Variants in MOXD1 observed in about 807,000 individuals in gnomAD.
MOXD1 encodes monooxygenase DBH like 1.
Under a neutral mutation model 66.6 loss-of-function variants are expected in MOXD1, and 62 were observed. That is an observed-to-expected ratio of 0.93 (90% confidence interval 0.76 to 1.15). The LOEUF (loss-of-function observed/expected upper bound fraction) is 1.15, where lower values mean the gene tolerates loss of function less well. Ranked by LOEUF, MOXD1 falls within the 50% of genes most tolerant of loss-of-function variation. The pLI is 0.00. For missense variants in MOXD1, 847 were observed against 754.6 expected (o/e 1.12, Z -1.44); for synonymous variants, 303 against 281.9 (o/e 1.07, Z -0.75).
intron 1 of MOXD1, among the ~76,000 whole-genome samples, chr6:132,377,854 G>A (rs914386286): frequency 1.3e-5 from 2 of 152,144 alleles, no homozygotes; most frequent in South Asian, 2.1e-4. Context: ...CAGGCTGGGC[G>A]CAGTGGCTCA....
intron 4 of MOXD1, among the ~76,000 whole-genome samples, chr6:132,335,813 G>C (rs1775424582): frequency 6.6e-6 from 1 of 152,194 alleles, no homozygotes; most frequent in Non-Finnish European, 1.5e-5. Context: ...GATTGTCCCT[G>C]TCATTGTTTG....
intron 4 of MOXD1, among the ~76,000 whole-genome samples, chr6:132,354,227 C>T (rs1441065067): frequency 6.6e-6 from 1 of 152,064 alleles, no homozygotes; most frequent in Non-Finnish European, 1.5e-5. Flanking sequence ...GTTAAAGAGC[C>T]TTGTTTTGTC....
At chr6:132,381,980 C>A (rs568522295) in intron 1 of MOXD1, among the ~76,000 whole-genome samples, 2 of 152,198 alleles carry the variant, frequency 1.3e-5, no homozygotes, top group African/African-American at 4.8e-5. Flanking sequence ...ATTATGCACT[C>A]ATGGTAAAGG....
intron 10 of MOXD1, among the ~76,000 whole-genome samples, chr6:132,310,159 A>G (rs1174888468): frequency 6.6e-6 from 1 of 152,238 alleles, no homozygotes; most frequent in Non-Finnish European, 1.5e-5. Flanking sequence ...TTTACAAGAA[A>G]AAAACAATCC....
chr6:132,383,994 C>G (rs568406031), intron 1 of MOXD1, among the ~76,000 whole-genome samples: 1 of 151,992 alleles, frequency 6.6e-6, no homozygotes, highest in Non-Finnish European at 1.5e-5. Context: ...CACTTGAACC[C>G]GGGAGGTGGA....
At chr6:132,357,881 G>A (rs994828834) in intron 4 of MOXD1, among the ~76,000 whole-genome samples, 2 of 152,042 alleles carry the variant, frequency 1.3e-5, no homozygotes, top group East Asian at 3.8e-4. Context: ...GGATGAGAAA[G>A]GCAGTTTTTT....
At position 132,374,497 on chromosome 6, in the gene MOXD1, CTA is replaced by C. The variant is rs1033421028; in HGVS notation, c.411+132_411+133del. On this transcript the variant is annotated intron_variant, in intron 2 of 11. Coordinates refer to ENST00000367963, the MANE Select transcript of MOXD1 (RefSeq NM_015529.4). Reference sequence around the variant, plus strand: ...AAAAAAGAAAAAACTAAAAAAAAAACTAAAAAAAATCAAAAAAGATTTCAAAA... The same window carrying C: ...AAAAAAGAAAAAACTAAAAAAAAAACAAAAAAATCAAAAAAGATTTCAAAA... 6.3e-5 allele frequency: 59 copies of C among 933,408 alleles called. No homozygotes were observed. The African/African-American group carries it at 7.8e-4, about 12-fold the overall frequency. 57.8% of individuals were successfully genotyped at this position (933,408 alleles called of 1,614,324 possible).
At chr6:132,394,994 G>A (rs1031998855) in intron 1 of MOXD1, among the ~76,000 whole-genome samples, 1 of 152,112 alleles carries the variant, frequency 6.6e-6, no homozygotes, top group African/African-American at 2.4e-5. Flanking sequence ...AAGTTCTTCT[G>A]CTCAGCACAT....
intron 2 of MOXD1, 23 bp downstream of exon 2, chr6:132,374,608 G>C (rs371161254): frequency 6.2e-7 from 1 of 1,609,978 alleles, no homozygotes; most frequent in Non-Finnish European, 8.5e-7. Flanking sequence ...GTTCATGCAT[G>C]CATTCACTCA....
chr6:132,391,511 T>C (rs1246722771), intron 1 of MOXD1: 1 of 152,210 alleles, frequency 6.6e-6, no homozygotes, highest in East Asian at 1.9e-4. Context: ...AGAAATGTTT[T>C]TCCTGTTTAA....
chr6:132,392,027 C>G, intron 1 of MOXD1: 2 of 697,872 alleles, frequency 2.9e-6, no homozygotes, highest in Non-Finnish European at 4.6e-6. Flanking sequence ...ATAAATATCT[C>G]TTAACAAAGC....
intron 1 of MOXD1, among the ~76,000 whole-genome samples, chr6:132,397,215 C>T (rs548284060): frequency 6.6e-6 from 1 of 152,360 alleles, no homozygotes; most frequent in South Asian, 2.1e-4. Flanking sequence ...TTCTTCCAAC[C>T]ACCCACTTTG....
At chr6:132,317,354 A>G (rs1774982163) in intron 9 of MOXD1, among the ~76,000 whole-genome samples, 1 of 152,162 alleles carries the variant, frequency 6.6e-6, no homozygotes, top group Non-Finnish European at 1.5e-5. Context: ...TGATGTGCAA[A>G]TGAAGTTGCA....
intron 11 of MOXD1, 87 bp downstream of exon 11, chr6:132,297,700 T>G: frequency 7.6e-6 from 11 of 1,443,374 alleles, no homozygotes; most frequent in African/African-American, 1.4e-5. Flanking sequence ...CCTGGATTTA[T>G]GGATATTTGT....
intron 3 of MOXD1, 59 bp downstream of exon 3, chr6:132,372,771 T>C: frequency 6.2e-7 from 1 of 1,609,328 alleles, no homozygotes; most frequent in South Asian, 1.1e-5. Flanking sequence ...TAAGCAAAAA[T>C]GCTCGTATAC....
intron 10 of MOXD1, among the ~76,000 whole-genome samples, chr6:132,312,621 T>C (rs1177964036): frequency 6.6e-6 from 1 of 151,952 alleles, no homozygotes; most frequent in Non-Finnish European, 1.5e-5. Context: ...TTTTTTCTTT[T>C]TTTTGGCAGG....
At position 132,297,091 on chromosome 6, in the gene MOXD1, C is replaced by A; in HGVS notation, c.*62G>T. 1 of 1,553,760 alleles carries A rather than the reference C, an allele frequency of 6.4e-7. No individual in the cohort carries two copies. On this transcript the variant is annotated 3_prime_UTR_variant, in exon 12 of 12. Coordinates refer to ENST00000367963, the MANE Select transcript of MOXD1 (RefSeq NM_015529.4). ...TGCCCAAAGTGGACACAGTCTTTAA[C>A]CTGTACTTCAAATGACAGGTTCAGA...
chr6:132,333,864 C>A (rs972863839), intron 4 of MOXD1, among the ~76,000 whole-genome samples: 5 of 152,110 alleles, frequency 3.3e-5, no homozygotes, highest in African/African-American at 1.2e-4. Context: ...GCCCAGAAAC[C>A]AGAACACAGA....
intron 10 of MOXD1, among the ~76,000 whole-genome samples, chr6:132,299,181 A>C (rs1316673589): frequency 6.6e-6 from 1 of 152,156 alleles, no homozygotes; most frequent in Non-Finnish European, 1.5e-5. Context: ...GGAACAGAAA[A>C]CCAAAAACCG....
Sources: gnomAD v4.1 joint callset for allele counts (sites outside exome capture counted in the v4.1 genomes callset) on GRCh38, gnomAD v4.1.1 for gene constraint, MANE v1.5 for transcripts, NCBI Gene and HGNC (gene_info 2026-07-23, HGNC 2026-07-21) for gene names.